Variants in ZKSCAN7 observed in about 807,000 individuals in gnomAD.
ZKSCAN7 encodes the protein zinc finger protein with KRAB and SCAN domains 7.
Under a neutral mutation model 65.3 loss-of-function variants are expected in ZKSCAN7, and 38 were observed. The ratio of observed to expected loss-of-function variants is 0.58; its 90% confidence interval spans 0.45 to 0.76. The LOEUF (loss-of-function observed/expected upper bound fraction) is 0.76, where lower values mean the gene tolerates loss of function less well. Among genes scored for constraint, ZKSCAN7 ranks in the 30% least tolerant of loss-of-function variants. The pLI, the probability that ZKSCAN7 is intolerant of heterozygous loss-of-function variation, is 0.00. For missense variants in ZKSCAN7, 815 were observed against 913.3 expected (o/e 0.89, Z 1.39); for synonymous variants, 321 against 321.0 (o/e 1.00, Z 0.00).
chr3:44,556,970 GT>G lies in ZKSCAN7; in HGVS notation c.-76del, dbSNP rs1193520347. The G allele has an allele frequency of 1.9e-5, 31 of 1,590,386 alleles. No homozygotes were observed. Among genetic ancestry groups the G allele is most frequent in the Non-Finnish European group, 2.6e-5 (30 of 1,167,328 alleles). On this transcript the variant is annotated 5_prime_UTR_variant, in exon 2 of 6. Transcript: ENST00000426540. Reference sequence around the variant, plus strand: ...CCCCTTTCTCCAACCCTGAAAAACAGTTCCTGAGACCTGAACTATTGACCAT... The same window carrying G: ...CCCCTTTCTCCAACCCTGAAAAACAGTCCTGAGACCTGAACTATTGACCAT...
chr3:44,582,921 TG>T (rs1462715143), intron 5 of ZKSCAN7: 6 of 304,562 alleles, frequency 2.0e-5, no homozygotes, highest in Non-Finnish European at 3.8e-5. Flanking sequence ...TGTGTGTGTG[TG>T]TGTGTGTGTG....
At chr3:44,577,610 C>T (rs1699946340) in intron 5 of ZKSCAN7, among the ~76,000 whole-genome samples, 1 of 152,172 alleles carries the variant, frequency 6.6e-6, no homozygotes, top group African/African-American at 2.4e-5. Flanking sequence ...TATCAACAGG[C>T]TGCTGGGCCT....
At chr3:44,568,220 A>G (rs1699689700) in intron 4 of ZKSCAN7, 87 bp from the exon 5 acceptor site, 2 of 1,559,098 alleles carry the variant, frequency 1.3e-6, no homozygotes, top group African/African-American at 1.4e-5. Flanking sequence ...GCCCATGAAG[A>G]GCCCATACCC....
chr3:44,566,766 A>G (rs1416431806), intron 3 of ZKSCAN7, among the ~76,000 whole-genome samples: 2 of 151,532 alleles, frequency 1.3e-5, no homozygotes, highest in Non-Finnish European at 2.9e-5. Flanking sequence ...ATGGCCTCTT[A>G]GAACTACAGG....
Position 44,557,593 on chromosome 3 carries a change from C to T in ZKSCAN7, c.423+123C>T. On this transcript the variant is annotated intron_variant, in intron 2 of 5. Coordinates refer to ENST00000426540, the MANE Select transcript of ZKSCAN7 (RefSeq NM_001288590.2). ...TGCCTTTAGGGTTGCTGAACTTGTCCTGTGGATAGAGGGAAAATAGTTTTG... is the reference window on the plus strand; with the variant it reads ...TGCCTTTAGGGTTGCTGAACTTGTCTTGTGGATAGAGGGAAAATAGTTTTG... 4.3e-6 allele frequency: 6 copies of T among 1,389,254 alleles called. No individual in the cohort carries two copies. In the South Asian group the frequency reaches 8.0e-5, roughly 18 times the overall value. 86.1% of individuals were successfully genotyped at this position (1,389,254 alleles called of 1,614,324 possible). A position where few individuals can be genotyped will look rare whatever the true frequency, so the allele number is the denominator to read the frequency against.
chr3:44,556,903 A>G, intron 1 of ZKSCAN7, 27 bp from the exon 2 acceptor site: 1 of 1,090,148 alleles, frequency 9.2e-7, no homozygotes, highest in Non-Finnish European at 1.4e-6. Flanking sequence ...TACTCCAAGA[A>G]CTCTGATTTC....
At chr3:44,581,069 G>A (rs1467184929) in intron 5 of ZKSCAN7, 21 of 1,283,632 alleles carry the variant, frequency 1.6e-5, no homozygotes, top group Non-Finnish European at 2.0e-5. Flanking sequence ...GGCCGGCCTG[G>A]CGCTCCCGGC....
chr3:44,560,506 CTTTTTTTTTTT>C (rs33986362), intron 2 of ZKSCAN7, among the ~76,000 whole-genome samples: 4 of 108,410 alleles, frequency 3.7e-5, no homozygotes, highest in South Asian at 2.8e-4. Context: ...TTTCCTGTAT[CTTTTTTTTTTT>C]TTTTTTTTTT....
In ZKSCAN7 at chr3:44,571,575, T is replaced by A; in HGVS notation, c.*200T>A. On this transcript the variant is annotated 3_prime_UTR_variant, in exon 6 of 6. Transcript: ENST00000426540. ...ATTAGGAAGGTAAGGACTACACATG[T>A]CATTGAATTGTAGGTTTCCTTTTTT... The A allele has an allele frequency of 4.3e-6, 6 of 1,396,694 alleles. No individual in the cohort carries two copies. Among genetic ancestry groups the A allele is most frequent in the Non-Finnish European group, 5.6e-6 (6 of 1,078,548 alleles). The allele number at this position is 1,396,694 out of a possible 1,614,324, so 86.5% of individuals were successfully genotyped here. A position where few individuals can be genotyped will look rare whatever the true frequency, so the allele number is the denominator to read the frequency against.
intron 5 of ZKSCAN7, chr3:44,580,072 C>A: frequency 6.3e-7 from 1 of 1,599,070 alleles, no homozygotes; most frequent in Non-Finnish European, 8.6e-7. Flanking sequence ...GGCCCCACTG[C>A]ATTGGTCTCC....
At chr3:44,562,507 C>T (rs1427393233) in intron 2 of ZKSCAN7, among the ~76,000 whole-genome samples, 1 of 152,240 alleles carries the variant, frequency 6.6e-6, no homozygotes, top group Non-Finnish European at 1.5e-5. Flanking sequence ...GCTTGAATTT[C>T]TCCCCAGAAA....
At chr3:44,578,477 C>T (rs182491195) in intron 5 of ZKSCAN7, among the ~76,000 whole-genome samples, 104 of 152,372 alleles carry the variant, frequency 6.8e-4, no homozygotes, top group Non-Finnish European at 6.5e-4. Flanking sequence ...CTGGTTCTCA[C>T]GCTGGCACTG....
chr3:44,559,213 A>G (rs1699392019), intron 2 of ZKSCAN7, among the ~76,000 whole-genome samples: 1 of 152,050 alleles, frequency 6.6e-6, no homozygotes. Flanking sequence ...CACATTTTTA[A>G]AATAGTTTAC....
At chr3:44,569,555 G>T (rs1699732049) in intron 5 of ZKSCAN7, among the ~76,000 whole-genome samples, 1 of 152,130 alleles carries the variant, frequency 6.6e-6, no homozygotes, top group African/African-American at 2.4e-5. Context: ...GCAATGTTAT[G>T]GTTGGAAGGG....
At chr3:44,574,057 T>A (rs1575379744), downstream of ZKSCAN7, among the ~76,000 whole-genome samples, 1 of 152,198 alleles carries the variant, frequency 6.6e-6, no homozygotes, top group Non-Finnish European at 1.5e-5. Context: ...GTTTTAATGG[T>A]TTTTTAGTTT....
At chr3:44,572,849 C>CAAAAGAAA (rs1699845741), downstream of ZKSCAN7, among the ~76,000 whole-genome samples, 1 of 72,436 alleles carries the variant, frequency 1.4e-5, no homozygotes, top group Admixed American at 1.5e-4. Context: ...GACTCTGTCT[C>CAAAAGAAA]AAAAAAAAAA....
At chr3:44,562,180 C>T (rs1699493267) in intron 2 of ZKSCAN7, among the ~76,000 whole-genome samples, 1 of 152,252 alleles carries the variant, frequency 6.6e-6, no homozygotes, top group Non-Finnish European at 1.5e-5. Context: ...TTCTGCACAC[C>T]TGCAGGCCCA....
At position 44,568,605 on chromosome 3, in the gene ZKSCAN7, A is replaced by G. The variant is rs555590152; in HGVS notation, c.811+172A>G. On this transcript the variant is annotated intron_variant, in intron 5 of 5. Transcript: ENST00000426540. ...TCACTGAGATTCAACAGTGATCAGCATACTCTTCACCTCATTATGAATTGA... is the reference window on the plus strand; with the variant it reads ...TCACTGAGATTCAACAGTGATCAGCGTACTCTTCACCTCATTATGAATTGA... The G allele has an allele frequency of 5.7e-5, 54 of 949,412 alleles. No homozygotes were observed. In the African/African-American group the frequency reaches 6.8e-4, roughly 12 times the overall value. 58.8% of individuals were successfully genotyped at this position (949,412 alleles called of 1,614,324 possible). A position where few individuals can be genotyped will look rare whatever the true frequency, so the allele number is the denominator to read the frequency against.
downstream of ZKSCAN7, among the ~76,000 whole-genome samples, chr3:44,575,422 A>C (rs1699903842): frequency 6.6e-6 from 1 of 152,206 alleles, no homozygotes; most frequent in African/African-American, 2.4e-5. Flanking sequence ...GGATTAAATT[A>C]GTCAGTATGT....
Sources: gnomAD v4.1 joint callset for allele counts (sites outside exome capture counted in the v4.1 genomes callset) on GRCh38, gnomAD v4.1.1 for gene constraint, MANE v1.5 for transcripts, NCBI Gene and HGNC (gene_info 2026-07-23, HGNC 2026-07-21) for gene names.